The following DAB1 variants were observed in gnomAD, a reference collection of about 807,000 sequenced individuals.
DAB1 encodes DAB adaptor protein 1.
In DAB1, 15 loss-of-function variants were observed where a neutral mutation model predicts 64.6. That is an observed-to-expected ratio of 0.23 (90% CI 0.16 to 0.36). The LOEUF is 0.36. DAB1 is among the 10% of genes least tolerant of loss of function. The pLI is 1.00. For missense variants in DAB1, 596 were observed against 706.7 expected (o/e 0.84, Z 1.78); for synonymous variants, 235 against 251.9 (o/e 0.93, Z 0.64).
intron 5 of DAB1, among the ~76,000 whole-genome samples, chr1:57,956,830 C>G (rs1022674445): frequency 6.6e-6 from 1 of 152,170 alleles, no homozygotes; most frequent in African/African-American, 2.4e-5. Context: ...AACATGTGGT[C>G]TAGTTAGGAC....
intron 4 of DAB1, among the ~76,000 whole-genome samples, chr1:57,092,150 G>T (rs1225580962): frequency 6.6e-6 from 1 of 152,170 alleles, no homozygotes; most frequent in Non-Finnish European, 1.5e-5. Context: ...CCCCTTAGGG[G>T]GACATTGGTT....
intron 4 of DAB1, among the ~76,000 whole-genome samples, chr1:57,117,696 G>A (rs1339230459): frequency 6.6e-6 from 1 of 152,202 alleles, no homozygotes; most frequent in Non-Finnish European, 1.5e-5. Flanking sequence ...GCTCACAGGT[G>A]GAGCCAGTAT....
intron 6 of DAB1, among the ~76,000 whole-genome samples, chr1:57,755,293 G>A (rs973691329): frequency 1.3e-5 from 2 of 152,030 alleles, no homozygotes; most frequent in African/African-American, 4.8e-5. Flanking sequence ...CATCTTTACA[G>A]CACAAAGTAT....
chr1:57,553,423 A>AAAGG lies in DAB1; in HGVS notation n.625+96168_625+96169insCCTT, dbSNP rs1644942108. 2.0e-4 allele frequency among the ~76,000 whole-genome samples: 3 copies of AAAGG among 15,190 alleles called. 1 individual carries two copies. The highest frequency in any genetic ancestry group is 1.9e-3 in the Non-Finnish European group (3 of 1,542). 10.0% of individuals were successfully genotyped at this position (15,190 alleles called of 152,430 possible). A position where few individuals can be genotyped will look rare whatever the true frequency, so the allele number is the denominator to read the frequency against. The stretch of plus-strand genomic sequence containing the variant: ...GAAAGAAAGAAAGAAAGAAAGAAAG[A>AAAGG]AAGAAAGAAAGAAAGAAAGAGAAAG... On this transcript the variant is annotated intron_variant and non_coding_transcript_variant, in intron 7 of 20. Coordinates refer to the DAB1 transcript ENST00000485760.
At chr1:57,277,212 A>G (rs911033900) in intron 2 of DAB1, among the ~76,000 whole-genome samples, 1 of 152,230 alleles carries the variant, frequency 6.6e-6, no homozygotes, top group African/African-American at 2.4e-5. Context: ...TCAACAAAGT[A>G]TCGATTTTGA....
chr1:58,525,834 T>C (rs1646340204), intron 2 of DAB1, among the ~76,000 whole-genome samples: 1 of 152,118 alleles, frequency 6.6e-6, no homozygotes, highest in Admixed American at 6.5e-5. Context: ...GTTATAGTGA[T>C]AATATGGTAC....
intron 4 of DAB1, among the ~76,000 whole-genome samples, chr1:58,248,407 C>T (rs1660650276): frequency 6.6e-6 from 1 of 152,162 alleles, no homozygotes. Flanking sequence ...CTTGGTCCAA[C>T]CCTTGTCAGG....
chr1:57,650,927 T>C (rs1190271283), intron 6 of DAB1, among the ~76,000 whole-genome samples: 1 of 152,170 alleles, frequency 6.6e-6, no homozygotes, highest in African/African-American at 2.4e-5. Context: ...AGTCAGAGAC[T>C]GGCACAATTG....
rs1662757965 is a variant in DAB1, at chr1:57,180,140, C to CT, written c.68-34712dup. 2.0e-5 allele frequency among the ~76,000 whole-genome samples: 3 copies of CT among 152,276 alleles called. No individual in the cohort carries two copies. The South Asian group carries it at 6.2e-4, about 32-fold the overall frequency. Reference sequence around the variant, plus strand: ...AAGAACAACTTTGTTTGCAAACTTGCTTTGGAAATGGTAAGGCCAGCCTTA... The same window carrying CT: ...AAGAACAACTTTGTTTGCAAACTTGCTTTTGGAAATGGTAAGGCCAGCCTTA... On this transcript the variant is annotated intron_variant, in intron 2 of 14. Transcript: ENST00000371236.
intron 1 of DAB1, among the ~76,000 whole-genome samples, chr1:57,399,226 G>A (rs914082587): frequency 1.3e-5 from 2 of 152,124 alleles, no homozygotes; most frequent in African/African-American, 2.4e-5. Flanking sequence ...CTTTGTGGAA[G>A]GTGAGGAGAG....
intron 9 of DAB1, among the ~76,000 whole-genome samples, chr1:57,060,649 T>TC (rs1249075393): frequency 6.6e-6 from 1 of 151,586 alleles, no homozygotes; most frequent in Admixed American, 6.6e-5. Context: ...GTCCAGAAAG[T>TC]CCCCCTGAGA....
chr1:57,316,102 G>C (rs1675182746), intron 1 of DAB1, among the ~76,000 whole-genome samples: 1 of 152,182 alleles, frequency 6.6e-6, no homozygotes, highest in South Asian at 2.1e-4. Context: ...TCCTAAACCA[G>C]TGCTGTGTCT....
Position 57,759,660 on chromosome 1 carries a change from G to C in DAB1, n.552-109995C>G, listed in dbSNP as rs3131739. On this transcript the variant is annotated intron_variant and non_coding_transcript_variant, in intron 6 of 20. Transcript: ENST00000485760. ...GATGCCACTGAGGTGGTTTTCAGCA[G>C]AGGAATTAAATGACCAGATTAACAT... Among the ~76,000 whole-genome samples, 632 of 152,270 alleles carry C rather than the reference G, an allele frequency of 4.2e-3. 4 individuals are homozygous for C. Among genetic ancestry groups the C allele is most frequent in the African/African-American group, 0.014 (595 of 41,564 alleles).
chr1:58,182,232 C>G (rs1420519315), intron 4 of DAB1, among the ~76,000 whole-genome samples: 1 of 151,766 alleles, frequency 6.6e-6, no homozygotes, highest in African/African-American at 2.4e-5. Context: ...ATTTGGTTTT[C>G]AATCGTTTGA....
rs934039650 is a variant in DAB1, at chr1:56,995,101, A to G, written c.*3043T>C. 1 of 152,234 alleles carries G rather than the reference A, an allele frequency of 6.6e-6. No individual in the cohort carries two copies. The highest frequency in any genetic ancestry group is 2.1e-4 in the South Asian group (1 of 4,832). The allele number at this position is 152,234 out of a possible 1,614,324, so 9.4% of individuals were successfully genotyped here. A position where few individuals can be genotyped will look rare whatever the true frequency, so the allele number is the denominator to read the frequency against. ...ATTACATGATGGGGTTTCAGGAGAC[A>G]CTGGGATGAGTACGAGCTATCAAAA... is the stretch of plus-strand genomic sequence containing the variant. On this transcript the variant is annotated 3_prime_UTR_variant, in exon 15 of 15. Coordinates refer to ENST00000371236, the MANE Select transcript of DAB1 (RefSeq NM_001365792.1).
intron 7 of DAB1, among the ~76,000 whole-genome samples, chr1:57,455,177 A>G (rs888090371): frequency 6.6e-6 from 1 of 152,184 alleles, no homozygotes; most frequent in Non-Finnish European, 1.5e-5. Context: ...TTTGCATGTA[A>G]GTAATTATGC....
chr1:58,450,537 A>G (rs1009975483), intron 3 of DAB1, among the ~76,000 whole-genome samples: 3 of 152,084 alleles, frequency 2.0e-5, no homozygotes, highest in Admixed American at 6.5e-5. Context: ...GGCGGATCAC[A>G]AGGTCAGGTG....
intron 2 of DAB1, among the ~76,000 whole-genome samples, chr1:57,217,875 C>T (rs540873930): frequency 6.6e-6 from 1 of 151,992 alleles, no homozygotes; most frequent in Non-Finnish European, 1.5e-5. Context: ...CCCTATATAC[C>T]TTCTACTCAA....
At chr1:57,910,872 G>C (rs1222715037) in intron 5 of DAB1, among the ~76,000 whole-genome samples, 1 of 152,208 alleles carries the variant, frequency 6.6e-6, no homozygotes, top group Non-Finnish European at 1.5e-5. Context: ...GTGTGATGGT[G>C]TGTAAGTCAC....
Sources: allele counts gnomAD v4.1 joint callset (sites outside exome capture counted in the v4.1 genomes callset), GRCh38; gene constraint gnomAD v4.1.1; transcripts MANE v1.5; gene names NCBI Gene and HGNC (gene_info 2026-07-23, HGNC 2026-07-21).